Variants in ZNF155 observed in about 807,000 individuals in gnomAD.
ZNF155 encodes zinc finger protein 155.
In ZNF155, 15 loss-of-function variants were observed where a neutral mutation model predicts 11.9. The observed-to-expected ratio is 1.26, with a 90% CI of 0.84 to 1.94. The LOEUF (loss-of-function observed/expected upper bound fraction) is 1.94, where lower values mean the gene tolerates loss of function less well. Among genes scored for constraint, ZNF155 ranks in the 30% most tolerant of loss-of-function variants. The pLI is 0.00. For missense variants in ZNF155, 602 were observed against 639.1 expected, an observed-to-expected ratio of 0.94 and a Z score of 0.63; for synonymous variants, 212 against 219.9, an observed-to-expected ratio of 0.96 and a Z score of 0.32.
At chr19:43,988,816 CT>C (rs1975554086) in intron 2 of ZNF155, 2 of 367,128 alleles carry the variant, frequency 5.4e-6, no homozygotes, top group Non-Finnish European at 9.7e-6. Flanking sequence ...CTTACCTCCC[CT>C]CTCTCAAATT....
chr19:43,991,109 G>A (rs567299622), intron 2 of ZNF155, among the ~76,000 whole-genome samples: 9 of 152,266 alleles, frequency 5.9e-5, no homozygotes, highest in African/African-American at 2.2e-4. Context: ...ATTACCCACA[G>A]TTACCTAAAA....
At chr19:43,991,765 C>G (rs1486010053) in intron 3 of ZNF155, 77 bp from the exon 4 acceptor site, 5 of 1,605,294 alleles carry the variant, frequency 3.1e-6, no homozygotes, top group African/African-American at 2.7e-5. Flanking sequence ...CATTGGGAAC[C>G]TAAATAGCCA....
intron 1 of ZNF155, 58 bp downstream of exon 1, chr19:43,984,303 C>G (rs1423386453): frequency 6.6e-6 from 1 of 152,194 alleles, no homozygotes; most frequent in Non-Finnish European, 1.5e-5. Context: ...GCCTAACGAC[C>G]TGGGGGGTCA....
Position 43,991,847 on chromosome 19 carries a change from C to A in ZNF155, c.148C>A (p.Gln50Lys), listed in dbSNP as rs755053257. The change falls in exon 4 of 5, where the codon CAA (glutamine) becomes AAA (lysine). Residue 50 changes from glutamine (Q) to lysine (K), a missense_variant. Physicochemically the swap from Gln to Lys is moderately conservative, Grantham distance 53. Transcript: ENST00000270014. ...GTGACCTTACCTATTCACAGGGCAT[C>A]AACCGTTCCACCAAGATACTTGCCA... ...NFRNLLSVGHQPFHQDTCHFL... is the reference protein window; with the variant it reads ...NFRNLLSVGHKPFHQDTCHFL... The A allele has an allele frequency of 1.2e-6, 2 of 1,613,620 alleles. No homozygotes were observed. Among genetic ancestry groups the A allele is most frequent in the Non-Finnish European group, 1.7e-6 (2 of 1,179,668 alleles).
intron 2 of ZNF155, among the ~76,000 whole-genome samples, chr19:43,989,469 A>C (rs1975579673): frequency 6.6e-6 from 1 of 152,208 alleles, no homozygotes; most frequent in Non-Finnish European, 1.5e-5. Flanking sequence ...AAATATGAGA[A>C]ACCTTCTCAG....
rs1390858192 is a variant in ZNF155 at position 43,997,392 on chromosome 19, C to T, written c.1535C>T (p.Ser512Phe). The T allele has an allele frequency of 6.2e-7, 1 of 1,613,474 alleles. No individual in the cohort carries two copies. The highest frequency in any genetic ancestry group is 1.7e-5 in the Admixed American group (1 of 59,956). Residue 512 changes from serine (S) to phenylalanine (F), a missense_variant, in exon 5 of 5, where the codon TCC (serine) becomes TTC (phenylalanine). Ser to Phe is a radical substitution (Grantham distance 155). Transcript: ENST00000270014. Reference protein sequence around the residue: ...QPRDYSGENPSKCEDCGRRYK... With the variant: ...QPRDYSGENPFKCEDCGRRYK... Reference sequence around the variant, plus strand: ...AGAGACTATAGTGGGGAAAACCCATCCAAATGTGAGGATTGTGGGAGACGC... The same window carrying T: ...AGAGACTATAGTGGGGAAAACCCATTCAAATGTGAGGATTGTGGGAGACGC...
intron 4 of ZNF155, among the ~76,000 whole-genome samples, chr19:43,992,486 T>C (rs553375891): frequency 3.1e-4 from 47 of 152,384 alleles, no homozygotes; most frequent in African/African-American, 1.1e-3. Context: ...TGAATGTTCT[T>C]GGAGGGAAAA....
rs1210851922 is a variant in ZNF155 at position 43,997,295 on chromosome 19, C to T, written c.1438C>T (p.Gln480Ter). 6.2e-7 allele frequency: 1 copy of T among 1,613,844 alleles called. No individual in the cohort carries two copies. The highest frequency in any genetic ancestry group is 8.5e-7 in the Non-Finnish European group (1 of 1,179,998). The change falls in exon 5 of 5, where the codon CAG (glutamine) becomes TAG (stop). Residue 480 changes from glutamine (Q) to a stop codon, truncating the protein, a stop_gained. Transcript: ENST00000270014. LOFTEE classifies it low-confidence loss of function (END_TRUNC). ...SILNHKRLHCQKKPFKCEDCG... is the reference protein window; with the variant it reads ...SILNHKRLHC ...TTTGAATCATAAGAGACTCCACTGC[C>T]AGAAAAAACCATTCAAATGTGAGGA...
rs1231433650 is a variant in ZNF155 at position 43,996,616 on chromosome 19, A to G, written c.759A>G (p.Leu253=). ...CAGCACTTAATGTTCATCGTAAATT[A>G]CACACAGGAGAGAAACCTTACATTT... ...RRSALNVHRK[L]HTGEKPYICE... The change falls in exon 5 of 5, where the codon TTA becomes TTG. Residue 253 remains leucine, a synonymous_variant. Transcript: ENST00000270014. 4.3e-6 allele frequency: 7 copies of G among 1,612,762 alleles called. No individual in the cohort carries two copies. The South Asian group carries it at 6.6e-5, about 15-fold the overall frequency.
rs563402470 is a variant in ZNF155 at position 43,986,198 on chromosome 19, A to G, written c.-86+1953A>G. On this transcript the variant is annotated intron_variant, in intron 1 of 4. Transcript: ENST00000270014. The stretch of plus-strand genomic sequence containing the variant: ...GGAGAAAACATGTTTTAAATTACCC[A>G]TGAATCCAAGATGTGAAGGTGCTAA... Among the ~76,000 whole-genome samples, 37 of 152,346 alleles carry G rather than the reference A, an allele frequency of 2.4e-4. No individual in the cohort carries two copies. The South Asian group carries it at 7.2e-3, about 30-fold the overall frequency.
At chr19:43,989,614 T>A (rs1372665066) in intron 2 of ZNF155, among the ~76,000 whole-genome samples, 1 of 151,996 alleles carries the variant, frequency 6.6e-6, no homozygotes, top group East Asian at 1.9e-4. Flanking sequence ...CCCTGTGGAG[T>A]GATGGTGTCC....
At position 43,988,570 on chromosome 19, in the gene ZNF155, G is replaced by A. The variant is rs373209199; in HGVS notation, c.15+12G>A. The stretch of plus-strand genomic sequence containing the variant: ...TGACCACATTCAAGGTGAGGGGGGC[G>A]TGCCTCTCTCGCTGTTAAAATTCCA... On this transcript the variant is annotated intron_variant, in intron 2 of 4. Transcript: ENST00000270014. The A allele has an allele frequency of 2.7e-5, 43 of 1,598,328 alleles. No individual in the cohort carries two copies. The highest frequency in any genetic ancestry group is 4.5e-5 in the East Asian group (2 of 44,632).
At chr19:43,992,682 T>C (rs1975707893) in intron 4 of ZNF155, among the ~76,000 whole-genome samples, 1 of 152,268 alleles carries the variant, frequency 6.6e-6, no homozygotes, top group Non-Finnish European at 1.5e-5. Flanking sequence ...TGGTCACTCC[T>C]GCATAAACCA....
intron 4 of ZNF155, among the ~76,000 whole-genome samples, chr19:43,994,737 C>T (rs1349336201): frequency 1.3e-5 from 2 of 152,164 alleles, no homozygotes; most frequent in Non-Finnish European, 2.9e-5. Context: ...ACTCAAAGTA[C>T]TGTCAGTCAC....
chr19:43,997,367 A>G lies in ZNF155; in HGVS notation c.1510A>G (p.Arg504Gly). The change falls in exon 5 of 5, where the codon AGA (arginine) becomes GGA (glycine). Residue 504 changes from arginine to glycine, a missense_variant. Coordinates refer to ENST00000270014, the MANE Select transcript of ZNF155 (RefSeq NM_198089.3). ...VHRTYRKDQP[R>G]DYSGENPSKC... ...CAGGACATACCGTAAAGACCAGCCG[A>G]GAGACTATAGTGGGGAAAACCCATC... is the stretch of plus-strand genomic sequence containing the variant. The G allele has an allele frequency of 6.2e-7, 1 of 1,613,868 alleles. No homozygotes were observed. Among genetic ancestry groups the G allele is most frequent in the Non-Finnish European group, 8.5e-7 (1 of 1,179,782 alleles).
In ZNF155 at chr19:43,996,342, T is replaced by A; in HGVS notation, c.485T>A (p.Ile162Asn). 1 of 1,614,234 alleles carries A rather than the reference T, an allele frequency of 6.2e-7. No individual in the cohort carries two copies. Among genetic ancestry groups the A allele is most frequent in the Non-Finnish European group, 8.5e-7 (1 of 1,180,042 alleles). The change falls in exon 5 of 5, where the codon ATC becomes AAC. Residue 162 changes from isoleucine to asparagine, a missense_variant. By Grantham distance (149) the Ile-to-Asn change is moderately radical (BLOSUM62 -3). Transcript: ENST00000270014. ...AAACAGTCCATCAGTGATGTTCCCA[T>A]CTTTGATCTTCCTCAGCAGTTATAC... ...KCKQSISDVP[I>N]FDLPQQLYSE...
chr19:43,993,805 A>G (rs1975744789), intron 4 of ZNF155, among the ~76,000 whole-genome samples: 1 of 152,222 alleles, frequency 6.6e-6, no homozygotes, highest in Non-Finnish European at 1.5e-5. Context: ...ATCCTTTCCA[A>G]GATTCAACCT....
intron 4 of ZNF155, 103 bp downstream of exon 4, chr19:43,992,037 T>G: frequency 1.9e-6 from 2 of 1,054,622 alleles, no homozygotes; most frequent in Non-Finnish European, 1.4e-6. Context: ...CCACATCTCC[T>G]TCCTGGATTA....
At chr19:43,988,337 T>C in intron 1 of ZNF155, 122 bp from the exon 2 acceptor site, 1 of 420,198 alleles carries the variant, frequency 2.4e-6, no homozygotes, top group Non-Finnish European at 4.3e-6. Flanking sequence ...TACACCACCA[T>C]TTGCCTATCC....
Sources: allele counts gnomAD v4.1 joint callset (sites outside exome capture counted in the v4.1 genomes callset), GRCh38; gene constraint gnomAD v4.1.1; transcripts MANE v1.5; gene names NCBI Gene and HGNC (gene_info 2026-07-23, HGNC 2026-07-21).